Variants in SYN3 observed in about 807,000 individuals in gnomAD.
SYN3 encodes the protein synapsin-3.
SYN3 carries 35 observed loss-of-function variants against 65.8 expected under a neutral mutation model. The ratio of observed to expected loss-of-function variants is 0.53; its 90% CI spans 0.41 to 0.70. The LOEUF (loss-of-function observed/expected upper bound fraction) is 0.70. SYN3 is among the 30% of genes least tolerant of loss of function. SYN3 has a pLI of 0.00. For synonymous variants in SYN3, 270 were observed against 292.9 expected, an observed-to-expected ratio of 0.92 and a Z score of 0.80; for missense variants, 680 against 749.0, an observed-to-expected ratio of 0.91 and a Z score of 1.08.
At chr22:32,910,704 A>C (rs937938385) in intron 4 of SYN3, among the ~76,000 whole-genome samples, 2 of 152,170 alleles carry the variant, frequency 1.3e-5, no homozygotes, top group Non-Finnish European at 2.9e-5. Flanking sequence ...GTTTGCACCA[A>C]CTGAATAGCT....
intron 6 of SYN3, among the ~76,000 whole-genome samples, chr22:32,781,519 C>T (rs924080361): frequency 1.3e-5 from 2 of 152,100 alleles, no homozygotes; most frequent in South Asian, 4.1e-4. Flanking sequence ...CGATAATGCA[C>T]TTACCCCACA....
rs144741247 is a variant in SYN3 at position 32,821,867 on chromosome 22, A to C, written c.711+43048T>G. ...TCCCTGCTTCTGATTATTCTGTAAG[A>C]AGTTGAGGCCGAGCGCAGTGGCTCA... On this transcript the variant is annotated intron_variant, in intron 6 of 13. Coordinates refer to ENST00000358763, the MANE Select transcript of SYN3 (RefSeq NM_003490.4). Among the ~76,000 whole-genome samples, 30 of 152,272 alleles carry C rather than the reference A, an allele frequency of 2.0e-4. No individual in the cohort carries two copies. The East Asian group carries it at 4.4e-3, about 23-fold the overall frequency.
intron 6 of SYN3, among the ~76,000 whole-genome samples, chr22:32,668,112 T>C (rs1041982712): frequency 6.6e-6 from 1 of 152,336 alleles, no homozygotes; most frequent in East Asian, 1.9e-4. Flanking sequence ...TACTTTATGC[T>C]CCTTCACAGT....
chr22:33,032,840 C>CT (rs1026960030), intron 1 of SYN3, among the ~76,000 whole-genome samples: 5 of 152,038 alleles, frequency 3.3e-5, no homozygotes, highest in African/African-American at 1.2e-4. Flanking sequence ...AGATGTACTG[C>CT]TTTTTTGTGC....
At chr22:32,728,544 G>A (rs903309228) in intron 6 of SYN3, among the ~76,000 whole-genome samples, 1 of 152,230 alleles carries the variant, frequency 6.6e-6, no homozygotes, top group African/African-American at 2.4e-5. Context: ...CCTTGACCAT[G>A]TATCTCAGTT....
Position 32,596,673 on chromosome 22 carries a change from C to A in SYN3, c.774+1G>T, listed in dbSNP as rs1364082937. ...GTGAGTGGAAGGGCTGTTTCTCATACCTTTCCCATTCCAGCGTGGGCATGT... is the reference window on the plus strand; with the variant it reads ...GTGAGTGGAAGGGCTGTTTCTCATAACTTTCCCATTCCAGCGTGGGCATGT... On this transcript the variant is annotated splice_donor_variant, in intron 7 of 13. Transcript: ENST00000358763. LOFTEE classifies it high-confidence loss of function. 1 of 1,613,952 alleles carries A rather than the reference C, an allele frequency of 6.2e-7. No individual in the cohort carries two copies. The highest frequency in any genetic ancestry group is 8.5e-7 in the Non-Finnish European group (1 of 1,179,948).
chr22:32,996,229 T>C (rs1349465940), intron 2 of SYN3, among the ~76,000 whole-genome samples: 1 of 152,152 alleles, frequency 6.6e-6, no homozygotes, highest in Non-Finnish European at 1.5e-5. Context: ...TGCTGGGCTC[T>C]GAGGGTCAGT....
Position 32,555,437 on chromosome 22 carries a change from G to C in SYN3, c.775-13724C>G, listed in dbSNP as rs192522691. 3.1e-4 allele frequency among the ~76,000 whole-genome samples: 47 copies of C among 152,288 alleles called. No homozygotes were observed. In the East Asian group the frequency reaches 9.1e-3, roughly 29 times the overall value. ...CCCAGAAAACATTTAAGGCAACCAT[G>C]ACCAGTTGCTCACCCTGCTGAGTTT... On this transcript the variant is annotated intron_variant, in intron 7 of 13. Transcript: ENST00000358763.
chr22:32,745,655 C>G (rs563169096), intron 6 of SYN3, among the ~76,000 whole-genome samples: 1 of 152,060 alleles, frequency 6.6e-6, no homozygotes, highest in African/African-American at 2.4e-5. Flanking sequence ...ACCTGCAGAG[C>G]CTTCCTGGGA....
At chr22:32,631,312 A>C (rs892331732) in intron 6 of SYN3, among the ~76,000 whole-genome samples, 2 of 98,774 alleles carry the variant, frequency 2.0e-5, no homozygotes, top group African/African-American at 1.2e-4. Context: ...AAACAAGCAA[A>C]AAAAAAAAAA....
intron 1 of SYN3, among the ~76,000 whole-genome samples, chr22:33,017,458 A>T (rs1451106500): frequency 1.3e-5 from 2 of 152,198 alleles, no homozygotes; most frequent in African/African-American, 4.8e-5. Flanking sequence ...GAATCTGCAG[A>T]TCATTTTGGT....
At chr22:32,777,049 G>A (rs2045924223) in intron 6 of SYN3, among the ~76,000 whole-genome samples, 1 of 152,054 alleles carries the variant, frequency 6.6e-6, no homozygotes, top group Admixed American at 6.5e-5. Flanking sequence ...CCTTGTACCA[G>A]CTCATCAGCA....
At chr22:33,057,469 T>TA (rs1474880696) in intron 1 of SYN3, 1 of 152,266 alleles carries the variant, frequency 6.6e-6, no homozygotes, top group African/African-American at 2.4e-5. Flanking sequence ...TCCTGCTCCC[T>TA]ATCAACTCAC....
chr22:32,980,640 C>T lies in SYN3; in HGVS notation c.369+5G>A. On this transcript the variant is annotated splice_donor_5th_base_variant and intron_variant, in intron 3 of 13. Transcript: ENST00000358763. Reference sequence around the variant, plus strand: ...GACAGTGCTAAAGACACAGCTCCCACCTACCTGCTCCACTCGGATCTCAAT... The same window carrying T: ...GACAGTGCTAAAGACACAGCTCCCATCTACCTGCTCCACTCGGATCTCAAT... The T allele has an allele frequency of 1.9e-6, 3 of 1,613,988 alleles. No homozygotes were observed. The highest frequency in any genetic ancestry group is 2.5e-6 in the Non-Finnish European group (3 of 1,179,894).
intron 3 of SYN3, among the ~76,000 whole-genome samples, chr22:32,961,051 G>T (rs1360637962): frequency 6.6e-6 from 1 of 152,168 alleles, no homozygotes; most frequent in Non-Finnish European, 1.5e-5. Context: ...CTAGAAGGGG[G>T]TTTCTCAACC....
intron 4 of SYN3, among the ~76,000 whole-genome samples, chr22:32,912,854 A>G (rs2050087951): frequency 6.6e-6 from 1 of 152,224 alleles, no homozygotes; most frequent in South Asian, 2.1e-4. Context: ...AAGGAGTGAT[A>G]AACAGGTGGA....
intron 6 of SYN3, among the ~76,000 whole-genome samples, chr22:32,609,107 G>A (rs1203137258): frequency 5.3e-5 from 8 of 152,054 alleles, no homozygotes; most frequent in Non-Finnish European, 1.2e-4. Context: ...GGTGGATCAC[G>A]AGGTCAGGAG....
At chr22:32,591,821 A>ACGT (rs2059131268) in intron 7 of SYN3, among the ~76,000 whole-genome samples, 3 of 152,316 alleles carry the variant, frequency 2.0e-5, no homozygotes, top group African/African-American at 7.2e-5. Flanking sequence ...AGTGCACACC[A>ACGT]TCCTGAGTAG....
rs1397521370 is a variant in SYN3, at chr22:32,513,058, A to C, written c.*634T>G. On this transcript the variant is annotated 3_prime_UTR_variant, in exon 14 of 14. Coordinates refer to ENST00000358763, the MANE Select transcript of SYN3 (RefSeq NM_003490.4). ...TTTCTGTCGTGTTCTGAAAGACCCC[A>C]CTTGTCATACAGGGTCTGGTTTCTT... The C allele has an allele frequency of 6.6e-6, 1 of 151,896 alleles. No individual in the cohort carries two copies. Among genetic ancestry groups the C allele is most frequent in the African/African-American group, 2.4e-5 (1 of 41,238 alleles). 9.4% of individuals were successfully genotyped at this position (151,896 alleles called of 1,614,324 possible). A position where few individuals can be genotyped will look rare whatever the true frequency, so the allele number is the denominator to read the frequency against.
Sources: allele counts gnomAD v4.1 joint callset (sites outside exome capture counted in the v4.1 genomes callset), GRCh38; gene constraint gnomAD v4.1.1; transcripts MANE v1.5; gene names NCBI Gene and HGNC (gene_info 2026-07-23, HGNC 2026-07-21).